HMGB1: variants seen among roughly 807,000 people sequenced by gnomAD.
The protein encoded by HMGB1 is high mobility group protein B1.
For synonymous variants in HMGB1, 81 were observed against 84.0 expected, an observed-to-expected ratio of 0.96 and a Z score of 0.19; for missense variants, 79 against 253.5, an observed-to-expected ratio of 0.31 and a Z score of 4.67.
chr13:30,566,420 C>A (rs1423864296), intron 1 of HMGB1, among the ~76,000 whole-genome samples: 4 of 152,170 alleles, frequency 2.6e-5, no homozygotes, highest in South Asian at 4.1e-4. Context: ...GCAAAAGCAA[C>A]CCTCCACAAT....
chr13:30,557,833 G>A (rs1024628861), intron 1 of HMGB1, among the ~76,000 whole-genome samples: 2 of 152,144 alleles, frequency 1.3e-5, no homozygotes, highest in African/African-American at 2.4e-5. Flanking sequence ...AAAGAGAAGC[G>A]GATGTTAAGA....
intron 1 of HMGB1, among the ~76,000 whole-genome samples, chr13:30,553,204 T>C (rs1390400253): frequency 6.6e-6 from 1 of 152,186 alleles, no homozygotes; most frequent in Non-Finnish European, 1.5e-5. Flanking sequence ...GGGTTGGCTT[T>C]CTCTCCTTCC....
chr13:30,495,509 C>T (rs1460621689), intron 1 of HMGB1, among the ~76,000 whole-genome samples: 1 of 148,416 alleles, frequency 6.7e-6, no homozygotes, highest in African/African-American at 2.5e-5. Flanking sequence ...GACGGAGTCT[C>T]GCTCTGTCGC....
At position 30,516,062 on chromosome 13, in the gene HMGB1, A is replaced by G. The variant is rs78492541; in HGVS notation, c.-14-52368T>C. Among the ~76,000 whole-genome samples, 1,290 of 152,278 alleles carry G rather than the reference A, an allele frequency of 8.5e-3. 11 individuals carry two copies. The highest frequency in any genetic ancestry group is 0.026 in the African/African-American group (1,085 of 41,564). ...GGAGATTTACAGTCCATATTACCGT[A>G]TTAAAAACTCTATGAAGTCATGAAG... On this transcript the variant is annotated intron_variant, in intron 1 of 4. Transcript: ENST00000405805.
chr13:30,526,292 A>G (rs963278405), intron 1 of HMGB1, among the ~76,000 whole-genome samples: 19 of 152,078 alleles, frequency 1.2e-4, no homozygotes, highest in Non-Finnish European at 2.5e-4. Context: ...CCTGACCTCA[A>G]GTGATGCGCC....
intron 1 of HMGB1, among the ~76,000 whole-genome samples, chr13:30,504,022 A>T (rs1566008413): frequency 1.3e-5 from 2 of 148,636 alleles, no homozygotes; most frequent in South Asian, 2.1e-4. Context: ...AAAAATCACC[A>T]TTTTTTTTTT....
chr13:30,528,811 G>A (rs541957574), intron 1 of HMGB1, among the ~76,000 whole-genome samples: 1 of 152,058 alleles, frequency 6.6e-6, no homozygotes, highest in East Asian at 1.9e-4. Flanking sequence ...GGCTGATCAC[G>A]AGGTCAGGAG....
intron 1 of HMGB1, among the ~76,000 whole-genome samples, chr13:30,513,912 T>G (rs1053797135): frequency 6.6e-6 from 1 of 152,122 alleles, no homozygotes; most frequent in Non-Finnish European, 1.5e-5. Context: ...CAGATTTCTT[T>G]TTGTCTTTGT....
intron 1 of HMGB1, among the ~76,000 whole-genome samples, chr13:30,486,500 A>T (rs1887366917): frequency 6.6e-6 from 1 of 152,198 alleles, no homozygotes; most frequent in Non-Finnish European, 1.5e-5. Context: ...CACAGCCCAC[A>T]ATCTGGTAGT....
At chr13:30,547,366 T>C (rs377478974) in intron 1 of HMGB1, among the ~76,000 whole-genome samples, 1 of 152,236 alleles carries the variant, frequency 6.6e-6, no homozygotes, top group African/African-American at 2.4e-5. Context: ...ATTATGTATG[T>C]TGGCAAAACC....
intron 1 of HMGB1, among the ~76,000 whole-genome samples, chr13:30,564,237 A>G (rs1242146738): frequency 1.3e-5 from 2 of 149,528 alleles, no homozygotes; most frequent in Non-Finnish European, 3.0e-5. Context: ...GTTCAAGACC[A>G]GGCTGGGCAA....
chr13:30,476,772 A>T (rs780092887), intron 1 of HMGB1, among the ~76,000 whole-genome samples: 7 of 151,844 alleles, frequency 4.6e-5, no homozygotes, highest in Non-Finnish European at 1.0e-4. Flanking sequence ...AGGTTGAGGC[A>T]CGAGAATCAC....
intron 1 of HMGB1, among the ~76,000 whole-genome samples, chr13:30,546,005 CTGGCTACATTTCAGG>C (rs1395863601): frequency 1.3e-5 from 2 of 152,214 alleles, no homozygotes; most frequent in Non-Finnish European, 2.9e-5. Flanking sequence ...TGCAGCCACA[CTGGCTACATTTCAGG>C]TGGCTATTGA....
chr13:30,607,141 C>T (rs1327581900), intron 1 of HMGB1, among the ~76,000 whole-genome samples: 1 of 152,172 alleles, frequency 6.6e-6, no homozygotes, highest in Non-Finnish European at 1.5e-5. Context: ...CCACCTTATC[C>T]TAATTATTAC....
At chr13:30,606,718 C>G (rs969520570) in intron 1 of HMGB1, among the ~76,000 whole-genome samples, 3 of 152,162 alleles carry the variant, frequency 2.0e-5, no homozygotes, top group African/African-American at 7.2e-5. Flanking sequence ...ATTTGGGCTT[C>G]TACAACTGGT....
In HMGB1 at chr13:30,485,258, T is replaced by G. The variant is rs149128527; in HGVS notation, c.-14-21564A>C. On this transcript the variant is annotated intron_variant, in intron 1 of 4. Transcript: ENST00000405805. Reference sequence around the variant, plus strand: ...GTTGGTCAGGCTGGTCTCAAACTCCTGACCTCAAGGAATCCACCCATATTG... The same window carrying G: ...GTTGGTCAGGCTGGTCTCAAACTCCGGACCTCAAGGAATCCACCCATATTG... 3.1e-3 allele frequency among the ~76,000 whole-genome samples: 466 copies of G among 152,312 alleles called. 4 individuals carry two copies. Among genetic ancestry groups the G allele is most frequent in the African/African-American group, 0.011 (441 of 41,568 alleles).
chr13:30,555,033 G>GTTTTTTTTTTTTTTTTTTTTTTT, intron 1 of HMGB1, among the ~76,000 whole-genome samples: 1 of 72,412 alleles, frequency 1.4e-5, no homozygotes, highest in Non-Finnish European at 2.4e-5. Context: ...GTGTCGTTGT[G>GTTTTTTTTTTTTTTTTTTTTTTT]TTTTTTTTTT....
intron 1 of HMGB1, among the ~76,000 whole-genome samples, chr13:30,573,051 TA>T (rs1340824594): frequency 1.3e-5 from 2 of 152,178 alleles, no homozygotes; most frequent in African/African-American, 4.8e-5. Flanking sequence ...TAACTTCCAT[TA>T]GATGTAGTAC....
intron 1 of HMGB1, among the ~76,000 whole-genome samples, chr13:30,534,317 T>C (rs950838288): frequency 2.2e-4 from 33 of 152,192 alleles, no homozygotes; most frequent in Non-Finnish European, 4.4e-4. Context: ...CTCAGTCTCG[T>C]CTCTCACTTT....
Sources: gnomAD v4.1 joint callset for allele counts (sites outside exome capture counted in the v4.1 genomes callset) on GRCh38, gnomAD v4.1.1 for gene constraint, MANE v1.5 for transcripts, NCBI Gene and HGNC (gene_info 2026-07-23, HGNC 2026-07-21) for gene names.